Variants in THSD7B observed in about 807,000 individuals in gnomAD.
THSD7B encodes thrombospondin type-1 domain-containing protein 7B.
In THSD7B, 138 loss-of-function variants were observed where a neutral mutation model predicts 213.6. That is an observed-to-expected ratio of 0.65 (90% CI 0.56 to 0.74). THSD7B has a LOEUF of 0.74. THSD7B is among the 30% of genes least tolerant of loss of function. The pLI, the probability that THSD7B is intolerant of heterozygous loss-of-function variation, is 0.00. For synonymous variants in THSD7B, 742 were observed against 687.0 expected (o/e 1.08, Z -1.25); for missense variants, 1,931 against 1,991.5 (o/e 0.97, Z 0.58).
At chr2:136,811,084 C>T (rs1394045051) in intron 1 of THSD7B, among the ~76,000 whole-genome samples, 1 of 152,174 alleles carries the variant, frequency 6.6e-6, no homozygotes, top group Non-Finnish European at 1.5e-5. Flanking sequence ...GTCTCATTCA[C>T]AACTCAGGTC....
intron 14 of THSD7B, among the ~76,000 whole-genome samples, chr2:137,413,587 T>C (rs1686721790): frequency 6.6e-6 from 1 of 152,154 alleles, no homozygotes; most frequent in Non-Finnish European, 1.5e-5. Flanking sequence ...AAGGTTGTTT[T>C]AGTTAGTGGG....
intron 14 of THSD7B, among the ~76,000 whole-genome samples, chr2:137,422,208 A>G (rs1252706909): frequency 6.6e-6 from 1 of 152,228 alleles, no homozygotes; most frequent in Non-Finnish European, 1.5e-5. Flanking sequence ...ACTATTGGGC[A>G]AAATATTGTC....
At chr2:137,565,310 C>T (rs1681213010) in intron 16 of THSD7B, among the ~76,000 whole-genome samples, 3 of 152,122 alleles carry the variant, frequency 2.0e-5, no homozygotes, top group Non-Finnish European at 4.4e-5. Flanking sequence ...TTATTAGGCT[C>T]ATGGCTCTGG....
At chr2:136,994,497 G>T (rs1242182480) in intron 2 of THSD7B, among the ~76,000 whole-genome samples, 1 of 152,158 alleles carries the variant, frequency 6.6e-6, no homozygotes, top group Non-Finnish European at 1.5e-5. Context: ...AACCCGGGAG[G>T]CGGAGCTTGC....
chr2:137,168,832 G>A (rs1371256953), intron 6 of THSD7B, among the ~76,000 whole-genome samples: 1 of 152,072 alleles, frequency 6.6e-6, no homozygotes, highest in African/African-American at 2.4e-5. Flanking sequence ...GAGGTCATTC[G>A]AGTTTTGTGG....
At position 137,534,013 on chromosome 2, in the gene THSD7B, TGC is replaced by T. The variant is rs551702770; in HGVS notation, c.3139-29203_3139-29202del. Among the ~76,000 whole-genome samples the T allele has an allele frequency of 6.7e-3, 978 of 146,280 alleles. 6 individuals are homozygous for T. Among genetic ancestry groups the T allele is most frequent in the Middle Eastern group, 0.021 (6 of 282 alleles). ...CCGTGCACATGTATGTGTGTGTGTGTGCGCGCACACACACACACACACACACA... is the reference window on the plus strand; with the variant it reads ...CCGTGCACATGTATGTGTGTGTGTGTGCGCACACACACACACACACACACA... On this transcript the variant is annotated intron_variant, in intron 15 of 27. Transcript: ENST00000409968.
chr2:136,812,667 C>G (rs1404783079), intron 1 of THSD7B, among the ~76,000 whole-genome samples: 1 of 152,176 alleles, frequency 6.6e-6, no homozygotes, highest in African/African-American at 2.4e-5. Flanking sequence ...GATGAAGAGA[C>G]TGAAGTTGAG....
intron 15 of THSD7B, among the ~76,000 whole-genome samples, chr2:137,489,348 T>C (rs1220136524): frequency 6.7e-6 from 1 of 150,368 alleles, no homozygotes; most frequent in East Asian, 2.0e-4. Context: ...TGCCTGAACC[T>C]GGGAGGCAGA....
intron 2 of THSD7B, among the ~76,000 whole-genome samples, chr2:137,040,869 A>G (rs548723123): frequency 1.3e-5 from 2 of 152,302 alleles, no homozygotes; most frequent in African/African-American, 2.4e-5. Flanking sequence ...GTAGACTTCA[A>G]TTACCCCAAA....
At chr2:137,223,616 C>T (rs915891520) in intron 7 of THSD7B, among the ~76,000 whole-genome samples, 2 of 152,066 alleles carry the variant, frequency 1.3e-5, no homozygotes, top group African/African-American at 4.8e-5. Flanking sequence ...CATTTTTTCC[C>T]TGCATTTTAG....
chr2:136,897,617 C>A (rs1157512619), intron 2 of THSD7B, among the ~76,000 whole-genome samples: 1 of 152,208 alleles, frequency 6.6e-6, no homozygotes, highest in African/African-American at 2.4e-5. Flanking sequence ...GGGACCCAAG[C>A]AGGTTGCCGC....
chr2:137,551,853 C>T (rs1680854550), intron 15 of THSD7B, among the ~76,000 whole-genome samples: 1 of 151,892 alleles, frequency 6.6e-6, no homozygotes, highest in Non-Finnish European at 1.5e-5. Context: ...ATAGCCTGGG[C>T]CTGGGGCTTG....
intron 2 of THSD7B, among the ~76,000 whole-genome samples, chr2:137,033,851 T>A (rs2104854917): frequency 6.6e-6 from 1 of 152,192 alleles, no homozygotes; most frequent in African/African-American, 2.4e-5. Context: ...GCAGGCTCCT[T>A]ACATAGGTAT....
rs116238728 is a variant in THSD7B at position 137,005,349 on chromosome 2, T to C, written c.140-51071T>C. Among the ~76,000 whole-genome samples the C allele has an allele frequency of 4.4e-3, 665 of 152,252 alleles. 4 individuals are homozygous for C. Among genetic ancestry groups the C allele is most frequent in the African/African-American group, 0.015 (637 of 41,538 alleles). ...TTCCCTAAAGAAAAGAAAAGTAGGGTATAATACAGAAAATATCATCTGCTA... is the reference window on the plus strand; with the variant it reads ...TTCCCTAAAGAAAAGAAAAGTAGGGCATAATACAGAAAATATCATCTGCTA... On this transcript the variant is annotated intron_variant, in intron 2 of 27. Transcript: ENST00000409968.
chr2:137,359,019 CCA>C (rs969963823), intron 12 of THSD7B, among the ~76,000 whole-genome samples: 31 of 152,274 alleles, frequency 2.0e-4, no homozygotes, highest in African/African-American at 6.7e-4. Context: ...AAAATAAATT[CCA>C]CAGATACGCT....
intron 2 of THSD7B, among the ~76,000 whole-genome samples, chr2:136,995,453 G>T (rs1219272325): frequency 1.3e-5 from 2 of 152,066 alleles, no homozygotes; most frequent in African/African-American, 4.8e-5. Context: ...TTTCTATTCT[G>T]TTCTCTTAAT....
chr2:137,286,851 C>A (rs1354416535), intron 12 of THSD7B, among the ~76,000 whole-genome samples: 1 of 152,136 alleles, frequency 6.6e-6, no homozygotes, highest in Non-Finnish European at 1.5e-5. Context: ...AGCCCAGGTG[C>A]CCCTTCCATA....
At chr2:137,272,708 AT>A (rs760957911) in intron 11 of THSD7B, 46 bp downstream of exon 11, 1 of 1,582,938 alleles carries the variant, frequency 6.3e-7, no homozygotes, top group Non-Finnish European at 8.6e-7. Context: ...ACTGTAAATT[AT>A]AACCTATTTT....
At chr2:136,940,801 A>C (rs1336858484) in intron 2 of THSD7B, among the ~76,000 whole-genome samples, 1 of 148,040 alleles carries the variant, frequency 6.8e-6, no homozygotes, top group African/African-American at 2.5e-5. Context: ...CTATTTTGTT[A>C]AGGGTAGTTT....
Sources: gnomAD v4.1 joint callset for allele counts (sites outside exome capture counted in the v4.1 genomes callset) on GRCh38, gnomAD v4.1.1 for gene constraint, MANE v1.5 for transcripts, NCBI Gene and HGNC (gene_info 2026-07-23, HGNC 2026-07-21) for gene names.